Variants in FAT3 observed in about 807,000 individuals in gnomAD.
FAT3 encodes protocadherin Fat 3.
Under a neutral mutation model 310.2 loss-of-function variants are expected in FAT3, and 95 were observed. The ratio of observed to expected loss-of-function variants is 0.31; its 90% CI spans 0.26 to 0.36. The LOEUF is 0.36. Among genes scored for constraint, FAT3 ranks in the 10% least tolerant of loss-of-function variants. The pLI is 1.00. For synonymous variants in FAT3, 2,314 were observed against 2,192.9 expected, an observed-to-expected ratio of 1.06 and a Z score of -1.54; for missense variants, 5,408 against 5,715.6, an observed-to-expected ratio of 0.95 and a Z score of 1.74.
In FAT3 at chr11:92,892,210, T is replaced by A. The variant is rs190737471; in HGVS notation, c.*1097T>A. On this transcript the variant is annotated 3_prime_UTR_variant, in exon 28 of 28. Coordinates refer to ENST00000525166, the MANE Select transcript of FAT3 (RefSeq NM_001367949.2). ...GTGTGTCTGGGCCTATGTACAAATA[T>A]GTGCTTGCACTCAGTAAGGCTGCTC... The A allele has an allele frequency of 1.3e-5, 2 of 152,192 alleles. No individual in the cohort carries two copies. Among genetic ancestry groups the A allele is most frequent in the Non-Finnish European group, 2.9e-5 (2 of 68,042 alleles). The allele number at this position is 152,192 out of a possible 1,614,324, so 9.4% of individuals were successfully genotyped here.
At chr11:92,737,313 T>C (rs1237612719) in intron 4 of FAT3, among the ~76,000 whole-genome samples, 1 of 152,178 alleles carries the variant, frequency 6.6e-6, no homozygotes, top group African/African-American at 2.4e-5. Flanking sequence ...CCTTTCCTTA[T>C]GATCAGGGAC....
chr11:92,319,775 G>T (rs987562963), intron 1 of FAT3, among the ~76,000 whole-genome samples: 5 of 152,096 alleles, frequency 3.3e-5, no homozygotes, highest in Non-Finnish European at 7.3e-5. Flanking sequence ...ATAAACACAG[G>T]CAATCCTCTT....
intron 4 of FAT3, among the ~76,000 whole-genome samples, chr11:92,753,699 A>T (rs1157676528): frequency 6.6e-6 from 1 of 151,894 alleles, no homozygotes; most frequent in East Asian, 1.9e-4. Flanking sequence ...TGAACCAGCA[A>T]TCCAACCTCT....
At chr11:92,796,587 A>G (rs1176466297) in intron 9 of FAT3, among the ~76,000 whole-genome samples, 1 of 152,204 alleles carries the variant, frequency 6.6e-6, no homozygotes, top group Non-Finnish European at 1.5e-5. Context: ...TACAATACTC[A>G]GAAAGAAAAG....
intron 2 of FAT3, among the ~76,000 whole-genome samples, chr11:92,476,300 A>G (rs976019198): frequency 6.6e-6 from 1 of 152,214 alleles, no homozygotes; most frequent in Non-Finnish European, 1.5e-5. Flanking sequence ...ACTGACAATA[A>G]TATCTATTAT....
In FAT3 at chr11:92,530,218, AATT is replaced by A. The variant is rs111871983; in HGVS notation, c.3607+5275_3607+5277del. 1.7e-3 allele frequency among the ~76,000 whole-genome samples: 252 copies of A among 152,278 alleles called. 3 individuals are homozygous for A. The highest frequency in any genetic ancestry group is 5.8e-3 in the African/African-American group (241 of 41,560). On this transcript the variant is annotated intron_variant, in intron 3 of 27. Coordinates refer to ENST00000525166, the MANE Select transcript of FAT3 (RefSeq NM_001367949.2). ...AATCCAGACCACACTTCAACCTGAA[AATT>A]ATTACCTGGTGAGCTTGCTAGACTA...
At chr11:92,251,177 A>G (rs1865122636) in intron 1 of FAT3, among the ~76,000 whole-genome samples, 1 of 152,170 alleles carries the variant, frequency 6.6e-6, no homozygotes, top group Non-Finnish European at 1.5e-5. Flanking sequence ...ACACTGTGCT[A>G]GGTACTGTCT....
At chr11:92,866,608 TTA>T (rs1304933707) in intron 21 of FAT3, 131 bp from the exon 22 acceptor site, 1 of 763,656 alleles carries the variant, frequency 1.3e-6, no homozygotes, top group Non-Finnish European at 2.1e-6. Flanking sequence ...CACAACAGAT[TTA>T]TGAGTAGAGC....
intron 3 of FAT3, among the ~76,000 whole-genome samples, chr11:92,543,819 C>T (rs891883382): frequency 6.6e-6 from 1 of 152,160 alleles, no homozygotes; most frequent in Admixed American, 6.5e-5. Flanking sequence ...AAAACCTACT[C>T]TATGTCAGGC....
In FAT3 at chr11:92,701,502, A is replaced by C. The variant is rs114016382; in HGVS notation, c.3669+4057A>C. Among the ~76,000 whole-genome samples the C allele has an allele frequency of 3.9e-3, 598 of 152,354 alleles. 3 individuals carry two copies. The highest frequency in any genetic ancestry group is 0.014 in the African/African-American group (562 of 41,578). On this transcript the variant is annotated intron_variant, in intron 4 of 27. Transcript: ENST00000525166. ...GTAGGCAAATTCACAAGTACAGCTT[A>C]TACTTCTTCAGTGAATTCTAAGTGT...
At chr11:92,394,686 T>C (rs1349546240) in intron 2 of FAT3, among the ~76,000 whole-genome samples, 1 of 151,908 alleles carries the variant, frequency 6.6e-6, no homozygotes, top group Non-Finnish European at 1.5e-5. Context: ...ATCTTATTTA[T>C]ATATATAACA....
chr11:92,641,267 T>A (rs1193190468), intron 3 of FAT3, among the ~76,000 whole-genome samples: 1 of 152,216 alleles, frequency 6.6e-6, no homozygotes, highest in Admixed American at 6.5e-5. Context: ...CCCAGATACA[T>A]AATATGTATT....
intron 19 of FAT3, among the ~76,000 whole-genome samples, chr11:92,848,475 G>T (rs1217121540): frequency 1.3e-5 from 2 of 152,174 alleles, no homozygotes; most frequent in Non-Finnish European, 2.9e-5. Flanking sequence ...AGAGAAAGGG[G>T]TGTCACGGCA....
intron 19 of FAT3, among the ~76,000 whole-genome samples, chr11:92,850,838 G>A (rs986617444): frequency 1.3e-5 from 2 of 152,154 alleles, no homozygotes; most frequent in South Asian, 2.1e-4. Flanking sequence ...ATATGGTAGC[G>A]AAACCTTATA....
intron 2 of FAT3, among the ~76,000 whole-genome samples, chr11:92,424,847 A>G (rs1018163448): frequency 1.6e-4 from 25 of 152,290 alleles, no homozygotes; most frequent in African/African-American, 6.0e-4. Flanking sequence ...AAGGAGAATA[A>G]ATTGAAAATG....
intron 2 of FAT3, among the ~76,000 whole-genome samples, chr11:92,417,208 C>T (rs1950436037): frequency 6.6e-6 from 1 of 152,146 alleles, no homozygotes. Context: ...ACCTATTATG[C>T]AAGTTTTTTC....
At chr11:92,725,205 T>G (rs892801370) in intron 4 of FAT3, among the ~76,000 whole-genome samples, 2 of 152,172 alleles carry the variant, frequency 1.3e-5, no homozygotes, top group Non-Finnish European at 2.9e-5. Context: ...GAGATCATTA[T>G]CCCATTGCCA....
Position 92,522,835 on chromosome 11 carries a change from T to A in FAT3, c.3293-1799T>A, listed in dbSNP as rs571567773. Among the ~76,000 whole-genome samples, 20 of 152,300 alleles carry A rather than the reference T, an allele frequency of 1.3e-4. No individual in the cohort carries two copies. In the South Asian group the frequency reaches 3.9e-3, roughly 30 times the overall value. On this transcript the variant is annotated intron_variant, in intron 2 of 27. Transcript: ENST00000525166. ...GTGAACATAGAATGTATGTTGCATG[T>A]ATGTTTGCCCACTGCGAATATGGTC...
intron 1 of FAT3, among the ~76,000 whole-genome samples, chr11:92,320,173 T>C (rs367905402): frequency 2.6e-5 from 4 of 152,292 alleles, no homozygotes; most frequent in South Asian, 2.1e-4. Flanking sequence ...ATTTTTGCAA[T>C]GAGTAATGGC....
Sources: gnomAD v4.1 joint callset for allele counts (sites outside exome capture counted in the v4.1 genomes callset) on GRCh38, gnomAD v4.1.1 for gene constraint, MANE v1.5 for transcripts, NCBI Gene and HGNC (gene_info 2026-07-23, HGNC 2026-07-21) for gene names.